AACS: variants seen among roughly 807,000 people sequenced by gnomAD.
AACS encodes the protein acetoacetyl-CoA synthetase.
In AACS, 69 loss-of-function variants were observed where a neutral mutation model predicts 83.1. The ratio of observed to expected loss-of-function variants is 0.83; its 90% CI spans 0.68 to 1.01. AACS has a LOEUF of 1.01. Ranked by LOEUF, AACS falls within the 50% of genes least tolerant of loss-of-function variation. The probability of loss-of-function intolerance (pLI) is 0.00; values close to 1 mark genes in which losing one functional copy is unlikely to be tolerated. For synonymous variants in AACS, 333 were observed against 343.4 expected, an observed-to-expected ratio of 0.97 and a Z score of 0.33; for missense variants, 866 against 882.2, an observed-to-expected ratio of 0.98 and a Z score of 0.23.
chr12:125,069,310 C>A (rs1168387356), intron 1 of AACS, among the ~76,000 whole-genome samples: 1 of 152,232 alleles, frequency 6.6e-6, no homozygotes, highest in Non-Finnish European at 1.5e-5. Context: ...GCCCTGCAGG[C>A]TTCAGGGAGG....
chr12:125,127,952 A>G (rs1365036884), intron 12 of AACS: 9 of 410,502 alleles, frequency 2.2e-5, no homozygotes, highest in Middle Eastern at 3.2e-4. Flanking sequence ...TAAAACGTCA[A>G]TCACCAGATG....
chr12:125,093,859 G>T (rs1006246178), intron 5 of AACS, among the ~76,000 whole-genome samples: 2 of 152,252 alleles, frequency 1.3e-5, no homozygotes, highest in African/African-American at 2.4e-5. Context: ...GATCCAGCCG[G>T]TTGGCAGGGA....
chr12:125,086,016 C>T (rs997708466), intron 3 of AACS, among the ~76,000 whole-genome samples: 2 of 152,174 alleles, frequency 1.3e-5, no homozygotes, highest in African/African-American at 2.4e-5. Context: ...GTCTTGAACT[C>T]CTGGGCTCAA....
rs568548901 is a variant in AACS at position 125,142,461 on chromosome 12, G to A, written c.*232G>A. The A allele has an allele frequency of 2.6e-5, 15 of 567,184 alleles. No individual in the cohort carries two copies. The highest frequency in any genetic ancestry group is 1.5e-4 in the African/African-American group (8 of 53,324). 35.1% of individuals were successfully genotyped at this position (567,184 alleles called of 1,614,324 possible). A position where few individuals can be genotyped will look rare whatever the true frequency, so the allele number is the denominator to read the frequency against. On this transcript the variant is annotated 3_prime_UTR_variant, in exon 18 of 18. Transcript: ENST00000316519. ...CCAGGAGGGAGTGTCTGGGCCGCAG[G>A]TGTGGCACTGTGGTGAGAGTGTGTG...
chr12:125,099,820 C>T (rs746920097), intron 5 of AACS, among the ~76,000 whole-genome samples: 6 of 152,116 alleles, frequency 3.9e-5, no homozygotes, highest in Non-Finnish European at 8.8e-5. Flanking sequence ...GGATTATAAG[C>T]ATGGGCCACC....
rs910626471 is a variant in AACS at position 125,118,766 on chromosome 12, G to A, written c.1121+1G>A. ...TCTGGGACCTGGTTGACAGGATAGG[G>A]TAGGTACCAAGATGCTGTGCTCAAA... On this transcript the variant is annotated splice_donor_variant, in intron 10 of 17. Transcript: ENST00000316519. LOFTEE classifies it high-confidence loss of function. 3 of 1,613,904 alleles carry A rather than the reference G, an allele frequency of 1.9e-6. No homozygotes were observed. The African/African-American group carries it at 4.0e-5, about 22-fold the overall frequency.
At chr12:125,102,547 C>A in intron 5 of AACS, 132 bp from the exon 6 acceptor site, 1 of 763,934 alleles carries the variant, frequency 1.3e-6, no homozygotes, top group Non-Finnish European at 2.3e-6. Flanking sequence ...TCACTCCAAC[C>A]TTGAACTCCT....
At position 125,102,754 on chromosome 12, in the gene AACS, G is replaced by C; in HGVS notation, c.646G>C (p.Glu216Gln). 6.2e-7 allele frequency: 1 copy of C among 1,614,170 alleles called. No homozygotes were observed. Among genetic ancestry groups the C allele is most frequent in the Non-Finnish European group, 8.5e-7 (1 of 1,180,024 alleles). The change falls in exon 6 of 18, where the codon GAG becomes CAG. Residue 216 changes from glutamate to glutamine, a missense_variant. Glu to Gln is a conservative substitution (Grantham distance 29). Coordinates refer to ENST00000316519, the MANE Select transcript of AACS (RefSeq NM_023928.5). ...GGAGGCTGTTGTCTATAATGGCAAA[G>C]AGCACAACCACATGGAAAAGCTGCA... ...SVEAVVYNGKEHNHMEKLQQV... is the reference protein window; with the variant it reads ...SVEAVVYNGKQHNHMEKLQQV...
intron 8 of AACS, among the ~76,000 whole-genome samples, chr12:125,109,811 T>A (rs1956913299): frequency 6.6e-6 from 1 of 152,158 alleles, no homozygotes; most frequent in African/African-American, 2.4e-5. Context: ...GAGCCCAGGC[T>A]CCTGGTTTGG....
chr12:125,129,191 AG>A lies in AACS; in HGVS notation c.1424-142del. On this transcript the variant is annotated intron_variant, in intron 13 of 17. Transcript: ENST00000316519. This position sits in a 1 kb window ranked among gnomAD's most constrained non-coding sequence, Gnocchi z 4.3. The stretch of plus-strand genomic sequence containing the variant: ...GAACGCATTATTAGGCTGCTGTGAC[AG>A]GTGTGTGGGCGTGGACCATCTCTGT... 8.8e-7 allele frequency: 1 copy of A among 1,140,302 alleles called. No homozygotes were observed. Among genetic ancestry groups the A allele is most frequent in the Non-Finnish European group, 1.2e-6 (1 of 850,150 alleles). The allele number at this position is 1,140,302 out of a possible 1,614,324, so 70.6% of individuals were successfully genotyped here. A position where few individuals can be genotyped will look rare whatever the true frequency, so the allele number is the denominator to read the frequency against.
chr12:125,129,558 C>G lies in AACS; in HGVS notation c.1549+98C>G. 1.4e-6 allele frequency: 2 copies of G among 1,457,088 alleles called. No homozygotes were observed. The highest frequency in any genetic ancestry group is 2.7e-5 in the South Asian group (2 of 72,842). The allele number at this position is 1,457,088 out of a possible 1,614,324, so 90.3% of individuals were successfully genotyped here. On this transcript the variant is annotated intron_variant, in intron 14 of 17. Coordinates refer to ENST00000316519, the MANE Select transcript of AACS (RefSeq NM_023928.5). The surrounding 1 kb of genome is among the most constrained non-coding windows in gnomAD (Gnocchi z 4.3). ...CATCGTGCCCCTCCCCTCTTCCTTC[C>G]CCCACCAGGGCTTGGAGAAGCTGCT... is the stretch of plus-strand genomic sequence containing the variant.
chr12:125,073,748 C>A, intron 1 of AACS, 128 bp from the exon 2 acceptor site: 2 of 693,956 alleles, frequency 2.9e-6, no homozygotes, highest in Non-Finnish European at 4.9e-6. Flanking sequence ...CCTTCCTCCC[C>A]CAGACCATTT....
At chr12:125,095,472 T>C (rs1285343834) in intron 5 of AACS, among the ~76,000 whole-genome samples, 1 of 152,180 alleles carries the variant, frequency 6.6e-6, no homozygotes, top group Non-Finnish European at 1.5e-5. Context: ...TTCTCTGAGA[T>C]CCCAGTTTCC....
rs1175581342 is a variant in AACS, at chr12:125,070,108, A to G, written c.134-3768A>G. ...TGAGGCCCTTTCTTTTGGATTAAGT[A>G]AAGGTTACCAGGTGGAAGTTGCTAG... On this transcript the variant is annotated intron_variant, in intron 1 of 17. Coordinates refer to ENST00000316519, the MANE Select transcript of AACS (RefSeq NM_023928.5). 2.6e-5 allele frequency among the ~76,000 whole-genome samples: 4 copies of G among 152,194 alleles called. No homozygotes were observed. In the East Asian group the frequency reaches 7.7e-4, roughly 29 times the overall value.
chr12:125,108,658 GTTATT>G lies in AACS; in HGVS notation c.915+1408_915+1412del, dbSNP rs1222679904. ...TGTATAGGTTAGTGACTTTTAACCT[GTTATT>G]TTATTTTATTTTATTTTTTTTTGAG... On this transcript the variant is annotated intron_variant, in intron 8 of 17. Transcript: ENST00000316519. Among the ~76,000 whole-genome samples, 22 of 152,030 alleles carry G rather than the reference GTTATT, an allele frequency of 1.4e-4. No homozygotes were observed. In the East Asian group the frequency reaches 2.7e-3, roughly 19 times the overall value.
At chr12:125,100,592 C>T (rs955140238) in intron 5 of AACS, among the ~76,000 whole-genome samples, 1 of 152,232 alleles carries the variant, frequency 6.6e-6, no homozygotes, top group African/African-American at 2.4e-5. Flanking sequence ...GGAAATTGGA[C>T]AGTGTTGAGT....
chr12:125,130,737 T>G lies in AACS; in HGVS notation c.1549+1277T>G, dbSNP rs1957318726. ...ATTTTTGCCTTGGCTGCCAGGAAAC[T>G]CAGAGCTGAAATAATTGCTTTGTTT... On this transcript the variant is annotated intron_variant, in intron 14 of 17. Coordinates refer to ENST00000316519, the MANE Select transcript of AACS (RefSeq NM_023928.5). The surrounding 1 kb of genome is among the most constrained non-coding windows in gnomAD (Gnocchi z 4.9). Among the ~76,000 whole-genome samples the G allele has an allele frequency of 6.6e-6, 1 of 152,216 alleles. No individual in the cohort carries two copies. Among genetic ancestry groups the G allele is most frequent in the Non-Finnish European group, 1.5e-5 (1 of 68,034 alleles).
chr12:125,100,156 C>T (rs756616360), intron 5 of AACS, among the ~76,000 whole-genome samples: 6 of 152,192 alleles, frequency 3.9e-5, no homozygotes, highest in Non-Finnish European at 7.3e-5. Context: ...GCTGGGATTA[C>T]AGGTGCCCTG....
At chr12:125,115,506 C>T (rs927097162) in intron 9 of AACS, among the ~76,000 whole-genome samples, 1 of 152,140 alleles carries the variant, frequency 6.6e-6, no homozygotes, top group African/African-American at 2.4e-5. Flanking sequence ...GTGGTCCGCC[C>T]GCCTCAGCCT....
Sources: allele counts gnomAD v4.1 joint callset (sites outside exome capture counted in the v4.1 genomes callset), GRCh38; gene constraint gnomAD v4.1.1; non-coding constraint Gnocchi (gnomAD v3.1); transcripts MANE v1.5; gene names NCBI Gene and HGNC (gene_info 2026-07-23, HGNC 2026-07-21).